The following DLG2 variants were observed in gnomAD, a reference collection of about 807,000 sequenced individuals.
The protein encoded by DLG2 is discs large MAGUK scaffold protein 2, also known as disks large homolog 2.
In DLG2, 45 loss-of-function variants were observed where a neutral mutation model predicts 132.5. The observed-to-expected ratio is 0.34, with a 90% CI of 0.27 to 0.44. The LOEUF (loss-of-function observed/expected upper bound fraction) is 0.44. DLG2 is among the 20% of genes least tolerant of loss of function. The pLI is 1.00. For synonymous variants in DLG2, 424 were observed against 419.6 expected, an observed-to-expected ratio of 1.01 and a Z score of -0.13; for missense variants, 1,045 against 1,196.9, an observed-to-expected ratio of 0.87 and a Z score of 1.87.
At chr11:84,155,973 A>C (rs1378160113) in intron 9 of DLG2, among the ~76,000 whole-genome samples, 1 of 152,160 alleles carries the variant, frequency 6.6e-6, no homozygotes, top group Non-Finnish European at 1.5e-5. Context: ...TTGCACATAC[A>C]TAGTATTTGG....
chr11:83,462,853 G>C (rs900221539), intron 26 of DLG2, among the ~76,000 whole-genome samples: 2 of 152,024 alleles, frequency 1.3e-5, no homozygotes, highest in Non-Finnish European at 2.9e-5. Flanking sequence ...ATCAAGGTGG[G>C]AGAGAAATGA....
chr11:83,680,768 A>T (rs574623334), intron 18 of DLG2, among the ~76,000 whole-genome samples: 1 of 152,196 alleles, frequency 6.6e-6, no homozygotes, highest in Admixed American at 6.5e-5. Context: ...AGTTTTTGGT[A>T]TAATCAGAAA....
chr11:84,569,659 T>C (rs945762548), intron 6 of DLG2, among the ~76,000 whole-genome samples: 2 of 152,200 alleles, frequency 1.3e-5, no homozygotes, highest in African/African-American at 2.4e-5. Flanking sequence ...GTGTACAATA[T>C]AGAATGATGG....
chr11:84,251,871 C>T (rs2097382072), intron 7 of DLG2, among the ~76,000 whole-genome samples: 1 of 151,758 alleles, frequency 6.6e-6, no homozygotes, highest in Admixed American at 6.6e-5. Flanking sequence ...ATCTCCTGAC[C>T]TTGTGATCTA....
chr11:84,376,723 C>CAACTCATT (rs934840283), intron 7 of DLG2, among the ~76,000 whole-genome samples: 9 of 149,590 alleles, frequency 6.0e-5, no homozygotes, highest in African/African-American at 2.0e-4. Flanking sequence ...AAAAAAAAAA[C>CAACTCATT]AACTCATTTC....
intron 22 of DLG2, among the ~76,000 whole-genome samples, chr11:83,478,930 A>G (rs2092855535): frequency 6.6e-6 from 1 of 151,996 alleles, no homozygotes; most frequent in Admixed American, 6.6e-5. Flanking sequence ...AAATAAAATG[A>G]AAAAGGGGAG....
intron 13 of DLG2, 102 bp downstream of exon 13, chr11:83,965,222 T>C (rs772009846): frequency 1.2e-5 from 16 of 1,307,438 alleles, no homozygotes; most frequent in Non-Finnish European, 1.5e-5. Context: ...TTCCAGAAGT[T>C]AACCAAGAGG....
At chr11:84,031,519 G>C (rs1372657647) in intron 11 of DLG2, among the ~76,000 whole-genome samples, 1 of 152,136 alleles carries the variant, frequency 6.6e-6, no homozygotes, top group Non-Finnish European at 1.5e-5. Flanking sequence ...AAGGCAGAGA[G>C]AAAACAATGA....
At chr11:85,058,588 T>C (rs926376361) in intron 6 of DLG2, among the ~76,000 whole-genome samples, 6 of 151,414 alleles carry the variant, frequency 4.0e-5, no homozygotes, top group African/African-American at 9.7e-5. Context: ...GCTATGAAAA[T>C]TGTGTAGAAA....
chr11:84,952,907 G>T (rs988797857), intron 6 of DLG2, among the ~76,000 whole-genome samples: 1 of 152,142 alleles, frequency 6.6e-6, no homozygotes, highest in Admixed American at 6.5e-5. Flanking sequence ...AAGGTTTTCC[G>T]TGAGCTGAAA....
At chr11:84,097,540 C>T (rs1316522091) in intron 10 of DLG2, among the ~76,000 whole-genome samples, 2 of 152,180 alleles carry the variant, frequency 1.3e-5, no homozygotes, top group Admixed American at 6.5e-5. Context: ...TAACTCTCCT[C>T]CACTGCAAAA....
chr11:84,932,441 G>C (rs1381537740), intron 6 of DLG2, among the ~76,000 whole-genome samples: 1 of 152,068 alleles, frequency 6.6e-6, no homozygotes, highest in Non-Finnish European at 1.5e-5. Flanking sequence ...ATGCAGGTTA[G>C]TTACATAGGT....
chr11:83,512,579 T>C (rs959391355), intron 21 of DLG2, among the ~76,000 whole-genome samples: 14 of 152,118 alleles, frequency 9.2e-5, no homozygotes, highest in Non-Finnish European at 2.1e-4. Flanking sequence ...ATGTGCACAA[T>C]GTGCAGGTTT....
At chr11:84,160,293 G>A (rs1379155575) in intron 9 of DLG2, among the ~76,000 whole-genome samples, 1 of 152,160 alleles carries the variant, frequency 6.6e-6, no homozygotes, top group African/African-American at 2.4e-5. Context: ...CAGCCATTGA[G>A]GTGGTAAAAG....
chr11:84,467,934 C>T (rs549514343), intron 7 of DLG2, among the ~76,000 whole-genome samples: 1 of 151,524 alleles, frequency 6.6e-6, no homozygotes, highest in South Asian at 2.1e-4. Context: ...TGGCATACTG[C>T]TAACAATTAT....
chr11:84,572,551 CAGA>C (rs2099487935), intron 6 of DLG2, among the ~76,000 whole-genome samples: 1 of 152,130 alleles, frequency 6.6e-6, no homozygotes, highest in African/African-American at 2.4e-5. Flanking sequence ...CCTAGGTAAG[CAGA>C]ACCCACCCAG....
intron 26 of DLG2, among the ~76,000 whole-genome samples, chr11:83,465,993 C>T (rs2090958075): frequency 2.0e-5 from 3 of 152,106 alleles, no homozygotes; most frequent in Admixed American, 6.5e-5. Flanking sequence ...GAATGTCTGC[C>T]CACTTTGTTT....
intron 3 of DLG2, among the ~76,000 whole-genome samples, chr11:85,366,834 T>C (rs368241224): frequency 1.3e-5 from 2 of 152,162 alleles, no homozygotes; most frequent in East Asian, 3.8e-4. Context: ...ATTAATCTTA[T>C]AAGCTTTGCA....
At chr11:83,819,315 C>CA (rs1427875460) in intron 17 of DLG2, among the ~76,000 whole-genome samples, 1 of 151,288 alleles carries the variant, frequency 6.6e-6, no homozygotes, top group East Asian at 1.9e-4. Flanking sequence ...ACTGAAAATA[C>CA]AAAAACTAGC....
Sources: gnomAD v4.1 joint callset for allele counts (sites outside exome capture counted in the v4.1 genomes callset) on GRCh38, gnomAD v4.1.1 for gene constraint, MANE v1.5 for transcripts, NCBI Gene and HGNC (gene_info 2026-07-23, HGNC 2026-07-21) for gene names.